Variants in OSBPL11 observed in about 807,000 individuals in gnomAD.
OSBPL11 encodes the protein oxysterol-binding protein-related protein 11.
In OSBPL11, 33 loss-of-function variants were observed where a neutral mutation model predicts 84.4. The observed-to-expected ratio is 0.39, with a 90% CI of 0.30 to 0.52. OSBPL11 has a LOEUF of 0.52. Ranked by LOEUF, OSBPL11 falls within the 20% of genes least tolerant of loss-of-function variation. OSBPL11 has a pLI of 0.72. For synonymous variants in OSBPL11, 276 were observed against 310.2 expected (o/e 0.89, Z 1.16); for missense variants, 736 against 901.1 (o/e 0.82, Z 2.35).
At chr3:125,547,259 T>C (rs1233318679) in intron 10 of OSBPL11, 147 bp downstream of exon 10, 9 of 694,912 alleles carry the variant, frequency 1.3e-5, no homozygotes, top group Non-Finnish European at 2.0e-5. Flanking sequence ...ACTTTCAGAA[T>C]GCTTTAAAGA....
intron 9 of OSBPL11, among the ~76,000 whole-genome samples, chr3:125,548,692 T>C (rs532422509): frequency 6.6e-6 from 1 of 152,190 alleles, no homozygotes; most frequent in African/African-American, 2.4e-5. Flanking sequence ...TTGAAGTGGA[T>C]ATATACTACT....
At chr3:125,535,483 AC>A (rs1415214685) in intron 11 of OSBPL11, among the ~76,000 whole-genome samples, 2 of 121,122 alleles carry the variant, frequency 1.7e-5, no homozygotes, top group Admixed American at 1.1e-4. Context: ...TGGCTCTGTC[AC>A]CCAGGCTAGA....
chr3:125,576,448 T>G, intron 4 of OSBPL11, 83 bp from the exon 5 acceptor site: 2 of 1,062,714 alleles, frequency 1.9e-6, no homozygotes, highest in Non-Finnish European at 2.6e-6. Flanking sequence ...CACTTAAGAT[T>G]TACACATGAG....
chr3:125,588,774 T>C lies in OSBPL11; in HGVS notation c.165-5796A>G, dbSNP rs917757736. ...TGTGTAGCCTGGGATATAATGTTTA[T>C]TTGCTGAATGAATTAAGCAATGGGA... On this transcript the variant is annotated intron_variant, in intron 1 of 12. Coordinates refer to ENST00000296220, the MANE Select transcript of OSBPL11 (RefSeq NM_022776.5). 2.0e-5 allele frequency among the ~76,000 whole-genome samples: 3 copies of C among 152,172 alleles called. 1 individual carries two copies. Among genetic ancestry groups the C allele is most frequent in the Admixed American group, 2.0e-4 (3 of 15,270 alleles).
intron 5 of OSBPL11, among the ~76,000 whole-genome samples, chr3:125,572,831 CAT>C (rs1226536843): frequency 2.1e-5 from 3 of 144,844 alleles, no homozygotes; most frequent in South Asian, 2.2e-4. Context: ...TTTATGTATA[CAT>C]ATATATATTT....
At chr3:125,558,435 T>C (rs1277424049) in intron 8 of OSBPL11, among the ~76,000 whole-genome samples, 1 of 152,218 alleles carries the variant, frequency 6.6e-6, no homozygotes. Flanking sequence ...ATATAAATAA[T>C]GAAAGCTTTA....
At chr3:125,546,177 GT>G (rs761359055) in intron 10 of OSBPL11, among the ~76,000 whole-genome samples, 129 of 123,002 alleles carry the variant, frequency 1.0e-3, no homozygotes, top group Middle Eastern at 7.9e-3. Flanking sequence ...GTGTGTGTGT[GT>G]TTTTTTTTTT....
At chr3:125,582,072 C>A (rs60114255) in intron 2 of OSBPL11, among the ~76,000 whole-genome samples, 1 of 152,038 alleles carries the variant, frequency 6.6e-6, no homozygotes, top group Admixed American at 6.5e-5. Context: ...TGGTGGCTCA[C>A]GCCTGTGATC....
Position 125,594,965 on chromosome 3 carries a change from A to G in OSBPL11, c.-165T>C. The G allele has an allele frequency of 1.3e-5, 9 of 679,134 alleles. No homozygotes were observed. The highest frequency in any genetic ancestry group is 1.7e-5 in the Non-Finnish European group (7 of 415,860). The allele number at this position is 679,134 out of a possible 1,614,324, so 42.1% of individuals were successfully genotyped here. ...AATGGTCCAGAAAAGGAAGATACAC[A>G]TTCCCACAGAAGTTAAACTTTTGAG... On this transcript the variant is annotated 5_prime_UTR_variant, in exon 1 of 13. An upstream start codon of the reference 5' UTR is lost. Coordinates refer to ENST00000296220, the MANE Select transcript of OSBPL11 (RefSeq NM_022776.5).
At chr3:125,546,934 TAAG>T (rs1434011184) in intron 10 of OSBPL11, among the ~76,000 whole-genome samples, 2 of 151,742 alleles carry the variant, frequency 1.3e-5, no homozygotes, top group Non-Finnish European at 2.9e-5. Context: ...TCATTGACAA[TAAG>T]AAGTACTGGA....
chr3:125,574,638 T>C (rs1936294687), intron 5 of OSBPL11, among the ~76,000 whole-genome samples: 1 of 152,154 alleles, frequency 6.6e-6, no homozygotes, highest in Non-Finnish European at 1.5e-5. Context: ...TGTTACCAAT[T>C]ACAAAATTTG....
intron 5 of OSBPL11, among the ~76,000 whole-genome samples, chr3:125,572,872 T>C (rs1936262930): frequency 6.8e-6 from 1 of 146,448 alleles, no homozygotes; most frequent in Non-Finnish European, 1.5e-5. Flanking sequence ...TATTTATATA[T>C]ATATTTTATA....
chr3:125,572,376 G>A (rs1936255640), intron 5 of OSBPL11, among the ~76,000 whole-genome samples: 1 of 152,114 alleles, frequency 6.6e-6, no homozygotes, highest in South Asian at 2.1e-4. Context: ...TAAGTCTTTG[G>A]GGGACTGTTG....
chr3:125,569,697 A>T (rs2107603870), intron 5 of OSBPL11, among the ~76,000 whole-genome samples: 1 of 152,382 alleles, frequency 6.6e-6, no homozygotes, highest in African/African-American at 2.4e-5. Flanking sequence ...ACCAGAATGG[A>T]TAAAAAATAT....
intron 2 of OSBPL11, among the ~76,000 whole-genome samples, chr3:125,582,251 C>A (rs1936439471): frequency 6.6e-6 from 1 of 151,824 alleles, no homozygotes; most frequent in South Asian, 2.1e-4. Flanking sequence ...AGAAGAATCA[C>A]TTGAACCCCG....
At chr3:125,565,433 G>A (rs985611905) in intron 6 of OSBPL11, among the ~76,000 whole-genome samples, 2 of 152,042 alleles carry the variant, frequency 1.3e-5, no homozygotes, top group Non-Finnish European at 2.9e-5. Context: ...AAATACACTT[G>A]TCTCCTCAAA....
intron 5 of OSBPL11, among the ~76,000 whole-genome samples, chr3:125,568,761 T>A (rs1246111964): frequency 6.6e-6 from 1 of 152,216 alleles, no homozygotes; most frequent in South Asian, 2.1e-4. Flanking sequence ...ATAGAACCAA[T>A]GGAGTAACAA....
At chr3:125,579,779 C>G in intron 3 of OSBPL11, 86 bp downstream of exon 3, 1 of 1,221,942 alleles carries the variant, frequency 8.2e-7, no homozygotes, top group Non-Finnish European at 1.2e-6. Flanking sequence ...GTTTCTATTT[C>G]CAAAGCCCAT....
intron 11 of OSBPL11, among the ~76,000 whole-genome samples, chr3:125,533,736 C>T (rs942675229): frequency 6.6e-6 from 1 of 152,066 alleles, no homozygotes; most frequent in Admixed American, 6.5e-5. Context: ...AAATGCCTGC[C>T]CTAATAACAG....
Sources: allele counts gnomAD v4.1 joint callset (sites outside exome capture counted in the v4.1 genomes callset), GRCh38; gene constraint gnomAD v4.1.1; transcripts MANE v1.5; gene names NCBI Gene and HGNC (gene_info 2026-07-23, HGNC 2026-07-21).